The following CDH12 variants were observed in gnomAD, a reference collection of about 807,000 sequenced individuals.
CDH12 encodes the protein cadherin 12.
In CDH12, 41 loss-of-function variants were observed where a neutral mutation model predicts 74.1. That is an observed-to-expected ratio of 0.55 (90% CI 0.43 to 0.72). CDH12 has a LOEUF of 0.72. CDH12 is among the 30% of genes least tolerant of loss of function. The pLI is 0.00. For synonymous variants in CDH12, 399 were observed against 355.0 expected (o/e 1.12, Z -1.39); for missense variants, 945 against 977.2 (o/e 0.97, Z 0.44).
chr5:22,088,126 TAA>T, intron 4 of CDH12, among the ~76,000 whole-genome samples: 1 of 152,184 alleles, frequency 6.6e-6, no homozygotes, highest in Admixed American at 6.5e-5. Flanking sequence ...AATGGCAGAG[TAA>T]AGAGTTATGC....
chr5:22,534,344 T>G (rs532977285), intron 1 of CDH12, among the ~76,000 whole-genome samples: 61 of 152,246 alleles, frequency 4.0e-4, no homozygotes, highest in African/African-American at 1.3e-3. Flanking sequence ...CTTTTATCCC[T>G]CACCCCCTTC....
chr5:21,804,608 C>G (rs1487712928), intron 9 of CDH12, among the ~76,000 whole-genome samples: 1 of 138,704 alleles, frequency 7.2e-6, no homozygotes, highest in East Asian at 2.1e-4. Context: ...AAAGAGAAAA[C>G]CTCTAATAAA....
At chr5:22,634,446 C>T (rs1241680751) in intron 1 of CDH12, among the ~76,000 whole-genome samples, 1 of 151,962 alleles carries the variant, frequency 6.6e-6, no homozygotes, top group Non-Finnish European at 1.5e-5. Flanking sequence ...AGTGGTTATA[C>T]TAATAAAGAC....
chr5:22,525,025 A>G (rs1004618368), intron 1 of CDH12, among the ~76,000 whole-genome samples: 2 of 140,090 alleles, frequency 1.4e-5, no homozygotes, highest in Non-Finnish European at 3.0e-5. Flanking sequence ...TGTTCTCATT[A>G]TTCAATTCCC....
chr5:22,489,817 A>G (rs1014427387), intron 2 of CDH12, among the ~76,000 whole-genome samples: 2 of 149,840 alleles, frequency 1.3e-5, no homozygotes, highest in Non-Finnish European at 3.0e-5. Flanking sequence ...CCTCTGGATT[A>G]GCTGGAACTA....
intron 4 of CDH12, among the ~76,000 whole-genome samples, chr5:22,186,673 G>T (rs956216671): frequency 1.1e-4 from 17 of 152,216 alleles, no homozygotes; most frequent in Admixed American, 7.2e-4. Context: ...TTTTCACCAC[G>T]TTGGCCAGTC....
At chr5:22,694,197 A>C (rs1742232167) in intron 1 of CDH12, among the ~76,000 whole-genome samples, 2 of 152,194 alleles carry the variant, frequency 1.3e-5, no homozygotes, top group South Asian at 4.1e-4. Flanking sequence ...TAGATATTTT[A>C]ATCTTAGGAT....
chr5:22,356,879 A>G (rs186737804), intron 3 of CDH12, among the ~76,000 whole-genome samples: 60 of 152,276 alleles, frequency 3.9e-4, no homozygotes, highest in African/African-American at 1.2e-3. Context: ...AAAGTTTGCT[A>G]TGGAGAAAAA....
chr5:22,358,877 C>T (rs1014180589), intron 3 of CDH12, among the ~76,000 whole-genome samples: 3 of 152,144 alleles, frequency 2.0e-5, no homozygotes, highest in African/African-American at 4.8e-5. Context: ...TACAAAGTAG[C>T]TGTTTAATTC....
intron 1 of CDH12, among the ~76,000 whole-genome samples, chr5:22,779,074 GTTTATT>G (rs1365227823): frequency 1.3e-5 from 2 of 151,992 alleles, no homozygotes; most frequent in East Asian, 1.9e-4. Context: ...TTCATTTTCT[GTTTATT>G]TTTATTTTTA....
At position 22,072,530 on chromosome 5, in the gene CDH12, TTGTGTGTGTGTGTG is replaced by T. The variant is rs36214247; in HGVS notation, c.231+5902_231+5915del. On this transcript the variant is annotated intron_variant, in intron 5 of 14. Transcript: ENST00000382254. Reference sequence around the variant, plus strand: ...CAACAGTGTTTCTATTATAGCACTTTTGTGTGTGTGTGTGTGTGTGTGTGTGTGTGTGTGTGTTT... The same window carrying T: ...CAACAGTGTTTCTATTATAGCACTTTTGTGTGTGTGTGTGTGTGTGTGTTT... 6.1e-3 allele frequency among the ~76,000 whole-genome samples: 895 copies of T among 146,348 alleles called. 9 individuals carry two copies. Among genetic ancestry groups the T allele is most frequent in the African/African-American group, 0.021 (852 of 40,136 alleles).
intron 3 of CDH12, among the ~76,000 whole-genome samples, chr5:22,386,021 T>A (rs750306899): frequency 6.3e-4 from 95 of 151,380 alleles, no homozygotes; most frequent in Non-Finnish European, 1.1e-3. Context: ...GCCTCCTGAG[T>A]AGCTGGGATT....
chr5:22,627,742 C>T (rs768894725), intron 1 of CDH12, among the ~76,000 whole-genome samples: 7 of 152,002 alleles, frequency 4.6e-5, no homozygotes, highest in Non-Finnish European at 1.0e-4. Context: ...ATCAATATTA[C>T]CCTTGAATGT....
At chr5:22,100,494 G>A (rs1561110479) in intron 4 of CDH12, among the ~76,000 whole-genome samples, 1 of 152,160 alleles carries the variant, frequency 6.6e-6, no homozygotes, top group East Asian at 1.9e-4. Context: ...AGACATTTTT[G>A]TCCTTAGAAT....
At chr5:22,594,148 A>C (rs1236991577) in intron 1 of CDH12, among the ~76,000 whole-genome samples, 1 of 152,176 alleles carries the variant, frequency 6.6e-6, no homozygotes, top group Non-Finnish European at 1.5e-5. Flanking sequence ...GTTATATTCT[A>C]ATGCACAAAT....
intron 11 of CDH12, among the ~76,000 whole-genome samples, chr5:21,772,412 T>C (rs1745369751): frequency 6.6e-6 from 1 of 152,126 alleles, no homozygotes; most frequent in East Asian, 1.9e-4. Flanking sequence ...TATTCTGAAA[T>C]CCTGCATATT....
chr5:21,752,205 C>T lies in CDH12; in HGVS notation c.1917G>A (p.Arg639=). The T allele has an allele frequency of 1.2e-6, 2 of 1,613,586 alleles. No homozygotes were observed. Among genetic ancestry groups the T allele is most frequent in the Non-Finnish European group, 1.7e-6 (2 of 1,179,846 alleles). The change falls in exon 15 of 15, where the codon AGG becomes AGA. Residue 639 remains arginine, a synonymous_variant. Transcript: ENST00000382254. ...TCATCAGGGTGTCTTTTTTCTTCTGCCTTCGCAGTGCTACATACAGTACAA... is the reference window on the plus strand; with the variant it reads ...TCATCAGGGTGTCTTTTTTCTTCTGTCTTCGCAGTGCTACATACAGTACAA... ...AIVVLYVALR[R]QKKKDTLMTS... is the part of the protein sequence containing the mutation.
chr5:21,769,625 C>G (rs1260649842), intron 11 of CDH12, among the ~76,000 whole-genome samples: 1 of 152,064 alleles, frequency 6.6e-6, no homozygotes, highest in Non-Finnish European at 1.5e-5. Context: ...AATCAGAAAT[C>G]TCTTTTAGAA....
rs191754213 is a variant in CDH12, at chr5:21,950,157, G to A, written c.526+24934C>T. ...GCAAATGCCTACAGTATTCAGCACA[G>A]TAACATGCTGTATAGGTTTGTAGCC... is the stretch of plus-strand genomic sequence containing the variant. On this transcript the variant is annotated intron_variant, in intron 6 of 14. Transcript: ENST00000382254. Among the ~76,000 whole-genome samples, 37 of 152,168 alleles carry A rather than the reference G, an allele frequency of 2.4e-4. No individual in the cohort carries two copies. In the East Asian group the frequency reaches 6.4e-3, roughly 26 times the overall value.
Sources: allele counts gnomAD v4.1 joint callset (sites outside exome capture counted in the v4.1 genomes callset), GRCh38; gene constraint gnomAD v4.1.1; transcripts MANE v1.5; gene names NCBI Gene and HGNC (gene_info 2026-07-23, HGNC 2026-07-21).